The following CAPN14 variants were observed in gnomAD, a reference collection of about 807,000 sequenced individuals.
CAPN14 encodes the protein calpain 14.
CAPN14 carries 94 observed loss-of-function variants against 101.3 expected under a neutral mutation model. That is an observed-to-expected ratio of 0.93 (90% CI 0.79 to 1.10). The LOEUF (loss-of-function observed/expected upper bound fraction) is 1.10, where lower values mean the gene tolerates loss of function less well. Ranked by LOEUF, CAPN14 falls within the 50% of genes least tolerant of loss-of-function variation. The probability of loss-of-function intolerance (pLI) is 0.00; values close to 1 mark genes in which losing one functional copy is unlikely to be tolerated. For synonymous variants in CAPN14, 338 were observed against 317.9 expected (o/e 1.06, Z -0.67); for missense variants, 837 against 828.4 (o/e 1.01, Z -0.13).
chr2:31,186,564 C>T, intron 15 of CAPN14, 79 bp from the exon 16 acceptor site: 1 of 1,058,842 alleles, frequency 9.4e-7, no homozygotes, highest in Admixed American at 2.6e-5. Flanking sequence ...ATATGACTGG[C>T]CATGAAATTA....
At chr2:31,199,618 G>A (rs973200078) in intron 6 of CAPN14, 86 bp from the exon 7 acceptor site, 2 of 1,074,118 alleles carry the variant, frequency 1.9e-6, no homozygotes, top group Non-Finnish European at 2.7e-6. Flanking sequence ...GGCTGGAGCA[G>A]GGGTTTATGG....
Position 31,205,226 on chromosome 2 carries a change from G to A in CAPN14, c.222C>T (p.Pro74=). Residue 74 remains proline (P), a synonymous_variant, in exon 2 of 22, where the codon CCC becomes CCT. Coordinates refer to ENST00000403897, the MANE Select transcript of CAPN14 (RefSeq NM_001145122.2). ...KLPPRLQWKR[P]PELHSNPQFY... ...GGGCTGACACATTTTGCCTCACCGGGGGCCTCTTCCACTGCAGGCGGGGTG... is the reference window on the plus strand; with the variant it reads ...GGGCTGACACATTTTGCCTCACCGGAGGCCTCTTCCACTGCAGGCGGGGTG... The A allele has an allele frequency of 1.3e-6, 2 of 1,549,538 alleles. No individual in the cohort carries two copies. The highest frequency in any genetic ancestry group is 1.7e-6 in the Non-Finnish European group (2 of 1,146,834).
At chr2:31,212,240 G>A (rs1233531773) in intron 1 of CAPN14, among the ~76,000 whole-genome samples, 1 of 151,542 alleles carries the variant, frequency 6.6e-6, no homozygotes, top group Admixed American at 6.6e-5. Flanking sequence ...AACCTGGGAG[G>A]TGGAGGTTGC....
At chr2:31,208,524 C>T (rs1682221606) in intron 1 of CAPN14, among the ~76,000 whole-genome samples, 1 of 152,196 alleles carries the variant, frequency 6.6e-6, no homozygotes, top group Non-Finnish European at 1.5e-5. Context: ...AAACACCCAT[C>T]ACAGGTTCCT....
At chr2:31,201,732 C>T in intron 5 of CAPN14, 130 bp downstream of exon 5, 1 of 1,229,352 alleles carries the variant, frequency 8.1e-7, no homozygotes, top group Non-Finnish European at 1.1e-6. Flanking sequence ...TACGTTGTCA[C>T]TTCTATGTTG....
At chr2:31,180,461 G>A (rs1680534950) in intron 17 of CAPN14, among the ~76,000 whole-genome samples, 1 of 152,204 alleles carries the variant, frequency 6.6e-6, no homozygotes, top group African/African-American at 2.4e-5. Flanking sequence ...AAGGACAGCT[G>A]AGTTTGTGGC....
At position 31,231,854 on chromosome 2, in the gene CAPN14, A is replaced by C. The variant is rs1683204263; in HGVS notation, c.-177+1937T>G. Among the ~76,000 whole-genome samples, 5 of 152,344 alleles carry C rather than the reference A, an allele frequency of 3.3e-5. No individual in the cohort carries two copies. The South Asian group carries it at 1.0e-3, about 32-fold the overall frequency. ...GGCCGCAAGCCTTGCTCCACTAGGA[A>C]GGCCAGTGTCTGTTCCGGGTGTTTG... On this transcript the variant is annotated intron_variant and NMD_transcript_variant, in intron 1 of 21. Coordinates refer to the CAPN14 transcript ENST00000398824.
chr2:31,179,683 G>A (rs1680494551), intron 17 of CAPN14, among the ~76,000 whole-genome samples: 1 of 152,190 alleles, frequency 6.6e-6, no homozygotes. Flanking sequence ...CCCACCAACA[G>A]TGTAAAATTG....
chr2:31,186,278 A>C, intron 16 of CAPN14, 150 bp downstream of exon 16: 1 of 472,168 alleles, frequency 2.1e-6, no homozygotes, highest in Non-Finnish European at 3.7e-6. Context: ...GCTTTTTCAG[A>C]TCACATAATC....
At chr2:31,209,813 G>A (rs2148697634) in intron 1 of CAPN14, among the ~76,000 whole-genome samples, 1 of 152,196 alleles carries the variant, frequency 6.6e-6, no homozygotes, top group Middle Eastern at 3.4e-3. Context: ...CCTTGTAATT[G>A]GCCATCATGG....
At chr2:31,180,891 C>T (rs974726578) in intron 17 of CAPN14, 45 bp downstream of exon 17, 2 of 1,492,712 alleles carry the variant, frequency 1.3e-6, no homozygotes, top group African/African-American at 2.8e-5. Flanking sequence ...CAGAGTGAAG[C>T]TCTCAACCAA....
chr2:31,206,768 A>G (rs1682120488), intron 1 of CAPN14, among the ~76,000 whole-genome samples: 1 of 152,180 alleles, frequency 6.6e-6, no homozygotes, highest in Non-Finnish European at 1.5e-5. Context: ...TGGCTACACA[A>G]TATAGTTTTT....
rs1348556178 is a variant in CAPN14, at chr2:31,189,149, C to T, written c.1493+124G>A. On this transcript the variant is annotated intron_variant, in intron 13 of 21. Coordinates refer to ENST00000403897, the MANE Select transcript of CAPN14 (RefSeq NM_001145122.2). The stretch of plus-strand genomic sequence containing the variant: ...ATGCAGAAAGTCACCTGGTCTCCTG[C>T]TCTCCCCATCTCCCTTTTGTCTCAG... 6 of 827,438 alleles carry T rather than the reference C, an allele frequency of 7.3e-6. No homozygotes were observed. In the African/African-American group the frequency reaches 1.0e-4, roughly 14 times the overall value. The allele number at this position is 827,438 out of a possible 1,614,324, so 51.3% of individuals were successfully genotyped here. A position where few individuals can be genotyped will look rare whatever the true frequency, so the allele number is the denominator to read the frequency against.
upstream of CAPN14, among the ~76,000 whole-genome samples, chr2:31,222,205 A>G (rs534004619): frequency 2.0e-4 from 30 of 152,340 alleles, no homozygotes; most frequent in East Asian, 5.2e-3. Context: ...CTTTCAAAGC[A>G]TAAAAGACCA....
At chr2:31,207,430 C>T (rs1258409431) in intron 1 of CAPN14, among the ~76,000 whole-genome samples, 1 of 152,110 alleles carries the variant, frequency 6.6e-6, no homozygotes, top group Non-Finnish European at 1.5e-5. Flanking sequence ...TGAATAAATA[C>T]AAACATAACA....
At chr2:31,199,817 G>A (rs1449586004) in intron 6 of CAPN14, among the ~76,000 whole-genome samples, 5 of 152,176 alleles carry the variant, frequency 3.3e-5, no homozygotes, top group Admixed American at 1.3e-4. Flanking sequence ...TTGGCCATTA[G>A]TGAAGGCAGG....
rs1681833460 is a variant in CAPN14, at chr2:31,202,257, G to A, written c.296-5C>T. 1 of 1,547,868 alleles carries A rather than the reference G, an allele frequency of 6.5e-7. No individual in the cohort carries two copies. The highest frequency in any genetic ancestry group is 1.4e-5 in the African/African-American group (1 of 72,986). ...CAGCCAAGAACCAGCAGTCTCCTAA[G>A]TCAGACAGCACACAGCATCTGCATG... On this transcript the variant is annotated splice_polypyrimidine_tract_variant and splice_region_variant and intron_variant, in intron 3 of 21. Transcript: ENST00000403897.
rs577133675 is a variant in CAPN14, at chr2:31,176,968, G to A, written c.1972+58C>T. On this transcript the variant is annotated intron_variant, in intron 20 of 21. Coordinates refer to ENST00000403897, the MANE Select transcript of CAPN14 (RefSeq NM_001145122.2). ...CCTTGTGCTTAAACTAGGGACAGGT[G>A]GGAAGTCATGGGGCAGCAGAGGAAG... is the stretch of plus-strand genomic sequence containing the variant. 2.3e-5 allele frequency: 28 copies of A among 1,227,868 alleles called. No homozygotes were observed. In the South Asian group the frequency reaches 3.6e-4, roughly 16 times the overall value. The allele number at this position is 1,227,868 out of a possible 1,614,324, so 76.1% of individuals were successfully genotyped here.
chr2:31,193,384 G>A, intron 9 of CAPN14, 90 bp from the exon 10 acceptor site: 3 of 1,296,426 alleles, frequency 2.3e-6, no homozygotes, highest in South Asian at 1.4e-5. Context: ...GGAGCAGTGG[G>A]CATCCCAGCC....
Sources: allele counts gnomAD v4.1 joint callset (sites outside exome capture counted in the v4.1 genomes callset), GRCh38; gene constraint gnomAD v4.1.1; transcripts MANE v1.5; gene names NCBI Gene and HGNC (gene_info 2026-07-23, HGNC 2026-07-21).